ILDR2: variants seen among roughly 807,000 people sequenced by gnomAD.
ILDR2 encodes immunoglobulin like domain containing receptor 2, also known as immunoglobulin-like domain-containing receptor 2.
Under a neutral mutation model 66.8 loss-of-function variants are expected in ILDR2, and 25 were observed. The ratio of observed to expected loss-of-function variants is 0.37; its 90% CI spans 0.27 to 0.52. ILDR2 has a LOEUF of 0.52. ILDR2 is among the 20% of genes least tolerant of loss of function. ILDR2 has a pLI of 0.88. For synonymous variants in ILDR2, 367 were observed against 357.2 expected (o/e 1.03, Z -0.31); for missense variants, 827 against 876.8 (o/e 0.94, Z 0.72).
chr1:166,911,078 T>A lies in ILDR2; in HGVS notation c.*8277A>T, dbSNP rs1302123593. 1.3e-5 allele frequency: 2 copies of A among 152,212 alleles called. No homozygotes were observed. The highest frequency in any genetic ancestry group is 2.4e-5 in the African/African-American group (1 of 41,452). 9.4% of individuals were successfully genotyped at this position (152,212 alleles called of 1,614,324 possible). The stretch of plus-strand genomic sequence containing the variant: ...GGCCCGGCCTTCCTTGCCTCTTGAA[T>A]GAAATCTACATCCATAATTTATTTG... On this transcript the variant is annotated 3_prime_UTR_variant, in exon 10 of 10. Coordinates refer to ENST00000271417, the MANE Select transcript of ILDR2 (RefSeq NM_199351.3).
Position 166,935,432 on chromosome 1 carries a change from A to G in ILDR2, c.749T>C (p.Val250Ala). 9 of 1,612,330 alleles carry G rather than the reference A, an allele frequency of 5.6e-6. No homozygotes were observed. The highest frequency in any genetic ancestry group is 7.6e-6 in the Non-Finnish European group (9 of 1,179,110). ...KAAKAGYPPS[V>A]SGVPGPYSIP... ...GGAGTAAGGGCCGGGGACACCGGAGACAGAGGGAGGGTACCCGGCCTTTGC... is the reference window on the plus strand; with the variant it reads ...GGAGTAAGGGCCGGGGACACCGGAGGCAGAGGGAGGGTACCCGGCCTTTGC... Residue 250 changes from valine to alanine, a missense_variant, in exon 6 of 10, where the codon GTC becomes GCC. Physicochemically the swap from Val to Ala is moderately conservative, Grantham distance 64. Around this residue, in one of 2 missense-constraint regions of ILDR2, gnomAD observed 437 missense variants for 523.2 expected, o/e 0.84. Coordinates refer to ENST00000271417, the MANE Select transcript of ILDR2 (RefSeq NM_199351.3).
At position 166,957,828 on chromosome 1, in the gene ILDR2, T is replaced by C. The variant is rs143404581; in HGVS notation, c.320A>G (p.Gln107Arg). 1.3e-4 allele frequency: 212 copies of C among 1,614,092 alleles called. 1 individual carries two copies. The highest frequency in any genetic ancestry group is 1.5e-4 in the Non-Finnish European group (182 of 1,180,038). ...ATCTCCCAGGGTGACAGTCGAGCCCTGTTTTGAAGCTACTACTCGAACAGT... is the reference window on the plus strand; with the variant it reads ...ATCTCCCAGGGTGACAGTCGAGCCCCGTTTTGAAGCTACTACTCGAACAGT... Reference protein sequence around the residue: ...RRTVRVVASKQGSTVTLGDFY... With the variant: ...RRTVRVVASKRGSTVTLGDFY... Residue 107 changes from glutamine (Q) to arginine (R), a missense_variant, in exon 2 of 10, where the codon CAG (glutamine) becomes CGG (arginine). By Grantham distance (43) the Gln-to-Arg change is conservative (BLOSUM62 1). Around this residue, in one of 2 missense-constraint regions of ILDR2, gnomAD observed 437 missense variants for 523.2 expected, o/e 0.84. Coordinates refer to ENST00000271417, the MANE Select transcript of ILDR2 (RefSeq NM_199351.3).
At chr1:166,951,401 T>C (rs1160894158) in intron 3 of ILDR2, among the ~76,000 whole-genome samples, 1 of 152,176 alleles carries the variant, frequency 6.6e-6, no homozygotes, top group African/African-American at 2.4e-5. Flanking sequence ...AACCAGGACT[T>C]AGCCATGCTT....
chr1:166,963,558 C>G (rs948726735), intron 1 of ILDR2, among the ~76,000 whole-genome samples: 30 of 152,172 alleles, frequency 2.0e-4, no homozygotes, highest in Admixed American at 1.3e-4. Context: ...TACTTCCAAC[C>G]CAATCCACTC....
At chr1:166,943,530 T>A (rs1297337269) in intron 3 of ILDR2, among the ~76,000 whole-genome samples, 1 of 151,452 alleles carries the variant, frequency 6.6e-6, no homozygotes, top group African/African-American at 2.4e-5. Flanking sequence ...TCTATAGCTT[T>A]TACACCATTA....
At chr1:166,954,347 T>C (rs16858233) in intron 3 of ILDR2, among the ~76,000 whole-genome samples, 25,477 of 152,148 alleles carry the variant, frequency 0.17, 2,312 homozygotes, top group Middle Eastern at 0.2. Context: ...TTTGAAATAT[T>C]GTATAAAGGG....
chr1:166,924,905 A>G (rs1281716490), intron 7 of ILDR2, among the ~76,000 whole-genome samples: 4 of 152,096 alleles, frequency 2.6e-5, no homozygotes, highest in African/African-American at 9.7e-5. Flanking sequence ...GGTCCCAGCT[A>G]CTGGGGAGGC....
rs1659471110 is a variant in ILDR2, at chr1:166,911,445, C to T, written c.*7910G>A. ...CAGATAAGGAGCAAGAAAGGTTTTT[C>T]TTGACTGGCACAATGTAATATGGCA... is the stretch of plus-strand genomic sequence containing the variant. On this transcript the variant is annotated 3_prime_UTR_variant, in exon 10 of 10. Coordinates refer to ENST00000271417, the MANE Select transcript of ILDR2 (RefSeq NM_199351.3). 1 of 152,058 alleles carries T rather than the reference C, an allele frequency of 6.6e-6. No individual in the cohort carries two copies. The highest frequency in any genetic ancestry group is 6.6e-5 in the Admixed American group (1 of 15,256). 9.4% of individuals were successfully genotyped at this position (152,058 alleles called of 1,614,324 possible). A position where few individuals can be genotyped will look rare whatever the true frequency, so the allele number is the denominator to read the frequency against.
In ILDR2 at chr1:166,910,533, A is replaced by G. The variant is rs1254518109; in HGVS notation, c.*8822T>C. ...TCCATCCAATACTGGAAGGTTAGCA[A>G]TAGAGTCACTCTCTTGGATGTGTGC... On this transcript the variant is annotated 3_prime_UTR_variant, in exon 10 of 10. Coordinates refer to ENST00000271417, the MANE Select transcript of ILDR2 (RefSeq NM_199351.3). 1 of 152,204 alleles carries G rather than the reference A, an allele frequency of 6.6e-6. No individual in the cohort carries two copies. Among genetic ancestry groups the G allele is most frequent in the Admixed American group, 6.5e-5 (1 of 15,278 alleles). 9.4% of individuals were successfully genotyped at this position (152,204 alleles called of 1,614,324 possible).
downstream of ILDR2, among the ~76,000 whole-genome samples, chr1:166,904,855 T>G (rs548903447): frequency 6.6e-6 from 1 of 152,240 alleles, no homozygotes; most frequent in Admixed American, 6.5e-5. Flanking sequence ...GGAGCACATC[T>G]TCCAAAACCC....
intron 3 of ILDR2, among the ~76,000 whole-genome samples, chr1:166,953,713 G>A (rs529472977): frequency 1.2e-4 from 18 of 152,318 alleles, no homozygotes; most frequent in African/African-American, 4.3e-4. Context: ...CTGTCATGAG[G>A]ATTGATTTCC....
intron 6 of ILDR2, among the ~76,000 whole-genome samples, chr1:166,928,102 T>A (rs919060263): frequency 1.3e-5 from 2 of 152,116 alleles, no homozygotes; most frequent in African/African-American, 4.8e-5. Context: ...AAGGGAATGA[T>A]GGGATGGGTA....
chr1:166,911,555 A>G lies in ILDR2; in HGVS notation c.*7800T>C, dbSNP rs1212312300. On this transcript the variant is annotated 3_prime_UTR_variant, in exon 10 of 10. Transcript: ENST00000271417. The stretch of plus-strand genomic sequence containing the variant: ...GTGAGTGAAAGTTAGCAGAAGTAAC[A>G]AACTCTAAAAGTAGACCCACAAAGA... 6.6e-6 allele frequency: 1 copy of G among 152,194 alleles called. No individual in the cohort carries two copies. 9.4% of individuals were successfully genotyped at this position (152,194 alleles called of 1,614,324 possible). A position where few individuals can be genotyped will look rare whatever the true frequency, so the allele number is the denominator to read the frequency against.
rs1557964723 is a variant in ILDR2, at chr1:166,975,227, T to C, written c.42A>G (p.Leu14=). 2.5e-6 allele frequency: 4 copies of C among 1,612,060 alleles called. No homozygotes were observed. The highest frequency in any genetic ancestry group is 1.3e-5 in the African/African-American group (1 of 74,866). Residue 14 remains leucine (L), a synonymous_variant, in exon 1 of 10, where the codon CTA becomes CTG. Coordinates refer to ENST00000271417, the MANE Select transcript of ILDR2 (RefSeq NM_199351.3). The part of the protein sequence containing the change: ...VLLRWISLFW[L]TAMVEGLQVT... ...TCTGTTGAAAAGGACTCTTACCTGT[T>C]AGCCAGAAGAGAGAAATCCACCTCA...
At chr1:166,966,906 C>T (rs1182513376) in intron 1 of ILDR2, among the ~76,000 whole-genome samples, 1 of 152,224 alleles carries the variant, frequency 6.6e-6, no homozygotes, top group Non-Finnish European at 1.5e-5. Flanking sequence ...ATCTGTATCT[C>T]CTGTCTAGAT....
At position 166,935,478 on chromosome 1, in the gene ILDR2, C is replaced by G. The variant is rs772303253; in HGVS notation, c.704-1G>C. On this transcript the variant is annotated splice_acceptor_variant, in intron 5 of 9. Coordinates refer to ENST00000271417, the MANE Select transcript of ILDR2 (RefSeq NM_199351.3). LOFTEE classifies it high-confidence loss of function. ...TTTGCTGCTTTCCCTGCTTCATACACTGTGGAGGGAGATCAAGAGCAAGAG... is the reference window on the plus strand; with the variant it reads ...TTTGCTGCTTTCCCTGCTTCATACAGTGTGGAGGGAGATCAAGAGCAAGAG... 3 of 1,572,130 alleles carry G rather than the reference C, an allele frequency of 1.9e-6. No homozygotes were observed. Among genetic ancestry groups the G allele is most frequent in the Non-Finnish European group, 2.6e-6 (3 of 1,160,994 alleles).
chr1:166,934,081 CCTT>C (rs1380296540), intron 6 of ILDR2, among the ~76,000 whole-genome samples: 5 of 152,120 alleles, frequency 3.3e-5, no homozygotes, highest in African/African-American at 9.7e-5. Context: ...TTAAAAATCA[CCTT>C]CTAAATCTAT....
At chr1:166,943,342 A>T (rs1183669198) in intron 3 of ILDR2, among the ~76,000 whole-genome samples, 1 of 151,996 alleles carries the variant, frequency 6.6e-6, no homozygotes, top group Non-Finnish European at 1.5e-5. Context: ...AATACAAAAA[A>T]TTAGCTGGGC....
chr1:166,939,665 C>A, intron 3 of ILDR2, 95 bp from the exon 4 acceptor site: 2 of 958,972 alleles, frequency 2.1e-6, no homozygotes, highest in East Asian at 4.9e-5. Context: ...TCCACACGTG[C>A]GGCCATTAGT....
Sources: allele counts gnomAD v4.1 joint callset (sites outside exome capture counted in the v4.1 genomes callset), GRCh38; gene constraint gnomAD v4.1.1; regional missense constraint gnomAD v4.1.1; transcripts MANE v1.5; gene names NCBI Gene and HGNC (gene_info 2026-07-23, HGNC 2026-07-21).